The following CDCP2 variants were observed in gnomAD, a reference collection of about 807,000 sequenced individuals.
CDCP2 encodes CUB domain containing protein 2, also known as CUB domain-containing protein 2.
A neutral mutation model predicts 31.0 loss-of-function variants in CDCP2; 31 were observed. That is an observed-to-expected ratio of 1.00 (90% CI 0.75 to 1.35). CDCP2 has a LOEUF of 1.35. Among genes scored for constraint, CDCP2 ranks in the 40% most tolerant of loss-of-function variants. CDCP2 has a pLI of 0.00. For missense variants in CDCP2, 443 were observed against 482.6 expected (o/e 0.92, Z 0.77); for synonymous variants, 206 against 207.9 (o/e 0.99, Z 0.08).
chr1:54,135,593 G>A (rs940597258), intron 5 of CDCP2, among the ~76,000 whole-genome samples: 6 of 152,104 alleles, frequency 3.9e-5, no homozygotes, highest in African/African-American at 1.2e-4. Context: ...CCTGCTTCTC[G>A]GATTCTTTGT....
At chr1:54,150,076 G>A (rs1400137849) in intron 1 of CDCP2, among the ~76,000 whole-genome samples, 2 of 152,162 alleles carry the variant, frequency 1.3e-5, no homozygotes, top group Non-Finnish European at 2.9e-5. Context: ...TTGACCCAGG[G>A]GTGGACGCCT....
At chr1:54,139,911 G>T (rs772473060) in exon 4 of CDCP2, 2 of 1,614,166 alleles carry the variant, frequency 1.2e-6, no homozygotes, top group Non-Finnish European at 1.7e-6. Flanking sequence ...ATCGAAGGCC[G>T]CCAGATGGTC....
chr1:54,134,474 C>A (rs1659223063), intron 5 of CDCP2, among the ~76,000 whole-genome samples: 1 of 152,192 alleles, frequency 6.6e-6, no homozygotes, highest in African/African-American at 2.4e-5. Flanking sequence ...CTGGCGTGGT[C>A]AGCAGTGATG....
In CDCP2 at chr1:54,144,453, G is replaced by GCCC. The variant is rs772835313; in HGVS notation, c.427+10_427+12dup. On this transcript the variant is annotated intron_variant, in intron 2 of 5. Transcript: ENST00000530059. ...TGAGCCACTGCAACAGGTCCCTAAG[G>GCCC]CCCCCCGTTGACCTTTCTGGTAGCC... 1.3e-6 allele frequency: 2 copies of GCCC among 1,554,966 alleles called. No homozygotes were observed. Among genetic ancestry groups the GCCC allele is most frequent in the South Asian group, 2.5e-5 (2 of 80,914 alleles).
intron 2 of CDCP2, among the ~76,000 whole-genome samples, chr1:54,143,171 A>G (rs1488796596): frequency 6.6e-6 from 1 of 152,222 alleles, no homozygotes; most frequent in East Asian, 1.9e-4. Context: ...TCCTGTCTCT[A>G]CCAAAAATAC....
intron 2 of CDCP2, chr1:54,142,455 CTT>C (rs1430889362): frequency 1.3e-5 from 2 of 152,246 alleles, no homozygotes; most frequent in African/African-American, 4.8e-5. Flanking sequence ...TGGGCTCAGA[CTT>C]GAGCACAGTC....
rs759653217 is a variant in CDCP2, at chr1:54,144,817, G to C, written c.80-4C>G. 1 of 1,602,990 alleles carries C rather than the reference G, an allele frequency of 6.2e-7. No homozygotes were observed. Among genetic ancestry groups the C allele is most frequent in the Non-Finnish European group, 8.5e-7 (1 of 1,173,274 alleles). On this transcript the variant is annotated splice_region_variant and splice_polypyrimidine_tract_variant and intron_variant, in intron 1 of 5. Coordinates refer to ENST00000530059, the Ensembl canonical transcript of CDCP2. ...AGCACACCCCCACATTTGACACCTG[G>C]GGCAAGAGAGAAGTATGGCTGAGAC...
intron 5 of CDCP2, among the ~76,000 whole-genome samples, chr1:54,135,268 G>T (rs571512795): frequency 6.6e-6 from 1 of 152,304 alleles, no homozygotes; most frequent in South Asian, 2.1e-4. Context: ...GGTTGCTGAT[G>T]GCTGTGGAGG....
intron 3 of CDCP2, chr1:54,140,740 G>A (rs1280635998): frequency 9.8e-6 from 2 of 204,128 alleles, no homozygotes; most frequent in Non-Finnish European, 9.9e-6. Context: ...TCATTTGTAC[G>A]AAAATTGAGT....
In CDCP2 at chr1:54,152,834, G is replaced by A. The variant is rs761934295; in HGVS notation, c.79+10C>T. 6.2e-7 allele frequency: 1 copy of A among 1,613,602 alleles called. No individual in the cohort carries two copies. Among genetic ancestry groups the A allele is most frequent in the East Asian group, 2.2e-5 (1 of 44,894 alleles). On this transcript the variant is annotated intron_variant, in intron 1 of 5. Transcript: ENST00000530059. ...CCCTCTCAGTTCATGTCTGTCCCAA[G>A]AGTGCCTACCTTCCATGGCTTGGGC...
At chr1:54,149,939 G>A (rs1328381358) in intron 1 of CDCP2, among the ~76,000 whole-genome samples, 1 of 152,230 alleles carries the variant, frequency 6.6e-6, no homozygotes. Context: ...GAAGTCACTT[G>A]TTGTAGTGAA....
exon 4 of CDCP2, chr1:54,139,919 G>A (rs1570061334): frequency 2.5e-6 from 4 of 1,614,086 alleles, no homozygotes; most frequent in Non-Finnish European, 2.5e-6. Context: ...CCGCCAGATG[G>A]TCAAAGTCAC....
exon 2 of CDCP2, chr1:54,144,748 G>C: frequency 6.2e-7 from 1 of 1,614,200 alleles, no homozygotes; most frequent in Non-Finnish European, 8.5e-7. Flanking sequence ...TAGGGGTACA[G>C]TCTAGGGAAG....
intron 1 of CDCP2, among the ~76,000 whole-genome samples, chr1:54,148,655 A>T (rs1259496473): frequency 1.3e-5 from 2 of 151,754 alleles, no homozygotes; most frequent in Non-Finnish European, 2.9e-5. Flanking sequence ...CAAGTCCAGA[A>T]TGTGGGAAGT....
At chr1:54,141,802 C>T (rs1659380263) in intron 2 of CDCP2, 2 of 182,708 alleles carry the variant, frequency 1.1e-5, no homozygotes, top group Admixed American at 1.1e-4. Flanking sequence ...TCCAGGGGCC[C>T]CCAGGTGGGG....
chr1:54,139,498 G>A (rs1197523259), intron 4 of CDCP2: 1 of 1,592,784 alleles, frequency 6.3e-7, no homozygotes, highest in Admixed American at 1.7e-5. Context: ...AACCAGATGG[G>A]GAGGGGTGAG....
chr1:54,143,804 C>G (rs562383443), intron 2 of CDCP2: 1 of 152,256 alleles, frequency 6.6e-6, no homozygotes, highest in East Asian at 1.9e-4. Flanking sequence ...AACCTGGAGA[C>G]AAGGATGAGT....
chr1:54,146,482 A>G (rs1408936459), intron 1 of CDCP2, among the ~76,000 whole-genome samples: 1 of 151,838 alleles, frequency 6.6e-6, no homozygotes, highest in African/African-American at 2.4e-5. Context: ...GCCCAGCCTG[A>G]GAGATATAAA....
rs58882302 is a variant in CDCP2, at chr1:54,133,922, C to CAAAAAACAAAAAAAAA, written c.1297-629_1297-628insTTTTTTTTTGTTTTTT. Among the ~76,000 whole-genome samples, 35 of 148,682 alleles carry CAAAAAACAAAAAAAAA rather than the reference C, an allele frequency of 2.4e-4. No homozygotes were observed. In the South Asian group the frequency reaches 6.5e-3, roughly 27 times the overall value. On this transcript the variant is annotated intron_variant, in intron 5 of 5. Coordinates refer to ENST00000530059, the Ensembl canonical transcript of CDCP2. ...AAAACAAACAAACAAACAAAAAAAACCCCATGTTACAGAGGAGGAAACTAA... is the reference window on the plus strand; with the variant it reads ...AAAACAAACAAACAAACAAAAAAAACAAAAAACAAAAAAAAACCCATGTTACAGAGGAGGAAACTAA...
Sources: allele counts gnomAD v4.1 joint callset (sites outside exome capture counted in the v4.1 genomes callset), GRCh38; gene constraint gnomAD v4.1.1; transcripts MANE v1.5; gene names NCBI Gene and HGNC (gene_info 2026-07-23, HGNC 2026-07-21).